FBXO27: variants seen among roughly 807,000 people sequenced by gnomAD.
The protein encoded by FBXO27 is F-box only protein 27.
FBXO27 carries 28 observed loss-of-function variants against 28.3 expected under a neutral mutation model. The ratio of observed to expected loss-of-function variants is 0.99; its 90% CI spans 0.73 to 1.36. The LOEUF is 1.36. Ranked by LOEUF, FBXO27 falls within the 40% of genes most tolerant of loss-of-function variation. FBXO27 has a pLI of 0.00. For missense variants in FBXO27, 388 were observed against 394.1 expected (o/e 0.98, Z 0.13); for synonymous variants, 175 against 167.3 (o/e 1.05, Z -0.36).
In FBXO27 at chr19:39,025,075, G is replaced by A. The variant is rs982309634; in HGVS notation, c.*336C>T. On this transcript the variant is annotated 3_prime_UTR_variant, in exon 6 of 6. Transcript: ENST00000292853. ...GGATGGTACAGAGGGGCCTGGGGCT[G>A]GATCGGAGGGTTTTGGTTGGGAGGA... 1.6e-5 allele frequency: 4 copies of A among 254,562 alleles called. No homozygotes were observed. In the Admixed American group the frequency reaches 2.0e-4, roughly 12 times the overall value. The allele number at this position is 254,562 out of a possible 1,614,324, so 15.8% of individuals were successfully genotyped here. A position where few individuals can be genotyped will look rare whatever the true frequency, so the allele number is the denominator to read the frequency against.
chr19:39,026,505 C>T (rs1029042239), intron 5 of FBXO27, among the ~76,000 whole-genome samples: 5 of 152,036 alleles, frequency 3.3e-5, no homozygotes, highest in East Asian at 1.9e-4. Context: ...GACAGAGTCT[C>T]GCCCCGTCAC....
chr19:39,007,677 C>G (rs1028192691), intron 2 of FBXO27, among the ~76,000 whole-genome samples: 6 of 152,154 alleles, frequency 3.9e-5, no homozygotes, highest in Non-Finnish European at 8.8e-5. Flanking sequence ...AGGTCTCTCT[C>G]TGTCACCCAG....
intron 4 of FBXO27, among the ~76,000 whole-genome samples, chr19:39,027,427 G>T (rs1193299501): frequency 6.6e-6 from 1 of 152,074 alleles, no homozygotes; most frequent in Non-Finnish European, 1.5e-5. Context: ...GAACTCCCTT[G>T]GTCAACAAAA....
At chr19:39,010,107 G>A (rs964210990) in intron 2 of FBXO27, among the ~76,000 whole-genome samples, 14 of 150,424 alleles carry the variant, frequency 9.3e-5, no homozygotes, top group Non-Finnish European at 2.1e-4. Context: ...ACTGCACCCA[G>A]CCTAAAAATT....
rs375252138 is a variant in FBXO27, at chr19:39,026,932, G to C, written c.646C>G (p.Leu216Val). ...VQLLDANQTV[L>V]DKFSAVPDPI... ...TCAGGCACAGCAGAGAATTTATCTA[G>C]AACAGTCTGGTTGGCGTCTAGAAGT... The change falls in exon 5 of 6, where the codon CTA becomes GTA. Residue 216 changes from leucine (L) to valine (V), a missense_variant. Physicochemically the swap from Leu to Val is conservative, Grantham distance 32 (BLOSUM62 1). Transcript: ENST00000292853. The C allele has an allele frequency of 1.2e-5, 19 of 1,614,098 alleles. No homozygotes were observed. Among genetic ancestry groups the C allele is most frequent in the Non-Finnish European group, 1.5e-5 (18 of 1,180,044 alleles).
At chr19:39,011,874 G>T (rs1438501830) in intron 2 of FBXO27, among the ~76,000 whole-genome samples, 4 of 145,120 alleles carry the variant, frequency 2.8e-5, no homozygotes, top group African/African-American at 1.0e-4. Flanking sequence ...GTCATCCCAG[G>T]CTGGAGTACA....
downstream of FBXO27, among the ~76,000 whole-genome samples, chr19:39,020,923 C>T (rs1162133102): frequency 1.3e-5 from 2 of 151,916 alleles, no homozygotes; most frequent in South Asian, 2.1e-4. Flanking sequence ...AGCAAAATCT[C>T]AGCTCACTGC....
chr19:39,031,771 C>G, intron 2 of FBXO27, 93 bp downstream of exon 2: 12 of 1,389,720 alleles, frequency 8.6e-6, no homozygotes, highest in Non-Finnish European at 1.1e-5. Flanking sequence ...CCTGCGGCCC[C>G]TAGTACCGGT....
At chr19:39,013,543 T>C (rs4802007) in intron 2 of FBXO27, among the ~76,000 whole-genome samples, 72,861 of 151,302 alleles carry the variant, frequency 0.48, 17,629 homozygotes, top group Middle Eastern at 0.57. Context: ...GGCAGGAGAA[T>C]TGCTTGAACC....
chr19:39,017,875 T>G lies in FBXO27; in HGVS notation c.92-3328A>C, dbSNP rs574365096. Among the ~76,000 whole-genome samples the G allele has an allele frequency of 2.6e-5, 4 of 152,310 alleles. No individual in the cohort carries two copies. The East Asian group carries it at 7.7e-4, about 29-fold the overall frequency. On this transcript the variant is annotated intron_variant, in intron 1 of 2. Transcript: ENST00000598394. Reference sequence around the variant, plus strand: ...AGTCAGCCTTTGGTATCCATGGGATTGGTTCCAGAAACTCCCATGGATCCC... The same window carrying G: ...AGTCAGCCTTTGGTATCCATGGGATGGGTTCCAGAAACTCCCATGGATCCC...
chr19:39,008,060 C>T (rs1600221262), intron 2 of FBXO27, among the ~76,000 whole-genome samples: 2 of 152,012 alleles, frequency 1.3e-5, no homozygotes, highest in South Asian at 4.1e-4. Flanking sequence ...CTTAGGAGCT[C>T]GAGACCAGCC....
At chr19:39,028,691 C>T (rs369902193) in intron 4 of FBXO27, among the ~76,000 whole-genome samples, 5 of 151,854 alleles carry the variant, frequency 3.3e-5, no homozygotes, top group African/African-American at 7.3e-5. Context: ...GGCCAAACCC[C>T]GTCTCTACTA....
At chr19:39,015,886 A>C (rs2072817221) in intron 1 of FBXO27, among the ~76,000 whole-genome samples, 1 of 152,022 alleles carries the variant, frequency 6.6e-6, no homozygotes, top group African/African-American at 2.4e-5. Flanking sequence ...GCCTGGCTAC[A>C]TGGTAAAACC....
downstream of FBXO27, among the ~76,000 whole-genome samples, chr19:39,019,214 G>A (rs981361915): frequency 6.6e-6 from 1 of 151,574 alleles, no homozygotes; most frequent in African/African-American, 2.4e-5. Context: ...ACGAGATCAG[G>A]AGATCGAGAC....
intron 1 of FBXO27, among the ~76,000 whole-genome samples, chr19:39,015,346 A>T (rs1032964128): frequency 3.6e-5 from 4 of 111,978 alleles, no homozygotes; most frequent in African/African-American, 1.3e-4. Flanking sequence ...AAAAAAAAAA[A>T]AAGGCTGAGT....
intron 1 of FBXO27, among the ~76,000 whole-genome samples, chr19:39,018,940 G>A (rs2072831792): frequency 6.6e-6 from 1 of 151,696 alleles, no homozygotes; most frequent in Non-Finnish European, 1.5e-5. Context: ...ATGGTGGTGG[G>A]TGCCTGTAAT....
At chr19:39,026,835 A>G (rs761264526) in intron 5 of FBXO27, 35 bp downstream of exon 5, 6 of 1,613,084 alleles carry the variant, frequency 3.7e-6, no homozygotes, top group Non-Finnish European at 5.1e-6. Context: ...ATAGGCCCCC[A>G]GCATCCTTTC....
chr19:39,017,792 T>C lies in FBXO27; in HGVS notation c.92-3245A>G, dbSNP rs1245623419. On this transcript the variant is annotated intron_variant, in intron 1 of 2. Transcript: ENST00000598394. The stretch of plus-strand genomic sequence containing the variant: ...TATCAATAAATTCAACACTTAATAG[T>C]TGGAATAGAAGGCAGGGTTGCTGCA... Among the ~76,000 whole-genome samples, 4 of 152,036 alleles carry C rather than the reference T, an allele frequency of 2.6e-5. No homozygotes were observed. The East Asian group carries it at 7.7e-4, about 29-fold the overall frequency.
At chr19:39,027,173 T>C (rs1289596644) in intron 4 of FBXO27, among the ~76,000 whole-genome samples, 168 bp from the exon 5 acceptor site, 2 of 152,130 alleles carry the variant, frequency 1.3e-5, no homozygotes, top group Non-Finnish European at 1.5e-5. Flanking sequence ...AGGAGTGTCT[T>C]TGATGGGGAC....
Sources: gnomAD v4.1 joint callset for allele counts (sites outside exome capture counted in the v4.1 genomes callset) on GRCh38, gnomAD v4.1.1 for gene constraint, MANE v1.5 for transcripts, NCBI Gene and HGNC (gene_info 2026-07-23, HGNC 2026-07-21) for gene names.